Variants in APP observed in about 807,000 individuals in gnomAD.
APP encodes the protein amyloid beta precursor protein.
A neutral mutation model predicts 101.4 loss-of-function variants in APP; 31 were observed. The observed-to-expected ratio is 0.31, with a 90% CI of 0.23 to 0.41. The LOEUF (loss-of-function observed/expected upper bound fraction) is 0.41. Among genes scored for constraint, APP ranks in the 10% least tolerant of loss-of-function variants. APP has a pLI of 1.00. For missense variants in APP, 839 were observed against 1,003.7 expected (o/e 0.84, Z 2.22); for synonymous variants, 366 against 364.4 (o/e 1.00, Z -0.05).
intron 15 of APP, among the ~76,000 whole-genome samples, chr21:25,901,428 C>A (rs1358328550): frequency 6.6e-6 from 1 of 151,280 alleles, no homozygotes; most frequent in Non-Finnish European, 1.5e-5. Flanking sequence ...ATCAAGTCAG[C>A]ATGACAGATA....
intron 13 of APP, among the ~76,000 whole-genome samples, chr21:25,921,031 TCCGACCACA>T (rs1489067471): frequency 6.8e-6 from 1 of 146,622 alleles, no homozygotes; most frequent in Non-Finnish European, 1.5e-5. Context: ...AAACTATCTC[TCCGACCACA>T]GTGCAATCAA....
rs553853354 is a variant in APP at position 25,945,380 on chromosome 21, C to CTTTTTTTTTTTTTT, written c.1687+9196_1687+9209dup. The CTTTTTTTTTTTTTT allele has an allele frequency of 6.7e-4, 51 of 75,614 alleles. 3 individuals carry two copies. The highest frequency in any genetic ancestry group is 2.3e-3 in the African/African-American group (47 of 20,460). 4.7% of individuals were successfully genotyped at this position (75,614 alleles called of 1,614,324 possible). On this transcript the variant is annotated intron_variant, in intron 13 of 17. Transcript: ENST00000346798. The stretch of plus-strand genomic sequence containing the variant: ...ATCTACAGATCCAATGCAATCCGCA[C>CTTTTTTTTTTTTTT]TTTTTTTTTTTTTTTTTTTTTTGCA...
intron 8 of APP, among the ~76,000 whole-genome samples, chr21:25,992,177 G>A (rs2042891690): frequency 6.6e-6 from 1 of 152,200 alleles, no homozygotes; most frequent in Admixed American, 6.5e-5. Flanking sequence ...CAGGTCAGGA[G>A]TTCAAGACCA....
At chr21:26,144,707 G>A (rs959777767) in intron 1 of APP, among the ~76,000 whole-genome samples, 5 of 152,186 alleles carry the variant, frequency 3.3e-5, no homozygotes, top group Non-Finnish European at 7.3e-5. Context: ...TTCAGTGGGA[G>A]AAAGAACAGT....
At chr21:25,981,551 C>T (rs1195515059) in intron 9 of APP, among the ~76,000 whole-genome samples, 4 of 152,134 alleles carry the variant, frequency 2.6e-5, no homozygotes, top group Middle Eastern at 3.2e-3. Context: ...TAAAATCCTC[C>T]ATATTATCAA....
chr21:25,947,360 C>G (rs1474915767), intron 13 of APP, among the ~76,000 whole-genome samples: 1 of 152,192 alleles, frequency 6.6e-6, no homozygotes, highest in African/African-American at 2.4e-5. Context: ...AGTCTGCAGA[C>G]AGACCAGTTG....
At chr21:26,126,977 CA>C (rs34453423) in intron 1 of APP, among the ~76,000 whole-genome samples, 171 of 142,998 alleles carry the variant, frequency 1.2e-3, no homozygotes, top group African/African-American at 3.3e-3. Context: ...TCCACAGAAG[CA>C]AAAAAAAAAA....
chr21:26,032,805 A>AAAAAAATAT, intron 5 of APP, among the ~76,000 whole-genome samples: 1 of 124,448 alleles, frequency 8.0e-6, no homozygotes, highest in East Asian at 2.2e-4. Context: ...AAAAAAAAAA[A>AAAAAAATAT]ATATATATAT....
chr21:25,975,919 T>C (rs2042206654), intron 10 of APP, 35 bp downstream of exon 10: 1 of 1,540,684 alleles, frequency 6.5e-7, no homozygotes, highest in African/African-American at 1.4e-5. Flanking sequence ...ACTGCTGGCA[T>C]GTGATGTTTG....
intron 12 of APP, 128 bp downstream of exon 12, chr21:25,955,499 T>A: frequency 7.4e-7 from 1 of 1,350,830 alleles, no homozygotes; most frequent in Non-Finnish European, 1.0e-6. Context: ...TACCAGAAGT[T>A]AAAGAGCTCT....
At chr21:26,070,106 TAAAG>T (rs901465311) in intron 3 of APP, among the ~76,000 whole-genome samples, 2 of 152,038 alleles carry the variant, frequency 1.3e-5, no homozygotes, top group African/African-American at 4.8e-5. Context: ...GAATAACAAA[TAAAG>T]TAAGTATACA....
At chr21:26,004,275 CTTTTTTT>C (rs71183538) in intron 6 of APP, among the ~76,000 whole-genome samples, 11 of 72,804 alleles carry the variant, frequency 1.5e-4, no homozygotes, top group African/African-American at 3.7e-4. Flanking sequence ...TGTATTAATT[CTTTTTTT>C]TTTTTTTTTT....
At chr21:25,901,952 C>G (rs529030649) in intron 15 of APP, among the ~76,000 whole-genome samples, 1 of 152,124 alleles carries the variant, frequency 6.6e-6, no homozygotes, top group African/African-American at 2.4e-5. Flanking sequence ...CTTTTTTATT[C>G]TGGTCAAACT....
intron 3 of APP, among the ~76,000 whole-genome samples, chr21:26,083,394 C>A (rs2061636313): frequency 6.6e-6 from 1 of 152,104 alleles, no homozygotes; most frequent in East Asian, 1.9e-4. Context: ...GTAGAGTATT[C>A]TAAAAATGTT....
chr21:25,996,174 T>A (rs564923009), intron 8 of APP, among the ~76,000 whole-genome samples: 1 of 152,136 alleles, frequency 6.6e-6, no homozygotes. Context: ...AAACAAAACA[T>A]AAGACACTGT....
chr21:25,904,573 G>GT (rs1446127340), intron 15 of APP, among the ~76,000 whole-genome samples: 1 of 152,188 alleles, frequency 6.6e-6, no homozygotes, highest in East Asian at 1.9e-4. Flanking sequence ...ACTGATTGAA[G>GT]TTTGAGCCCA....
chr21:25,995,894 A>T (rs1294302746), intron 8 of APP, among the ~76,000 whole-genome samples: 1 of 151,798 alleles, frequency 6.6e-6, no homozygotes. Context: ...TTCATCTATA[A>T]TTTATCATCT....
chr21:25,890,441 G>A (rs2037614027), intron 17 of APP, among the ~76,000 whole-genome samples: 1 of 152,150 alleles, frequency 6.6e-6, no homozygotes, highest in African/African-American at 2.4e-5. Context: ...ACTTTTCTCT[G>A]ATGGAAAAAG....
At chr21:26,167,860 C>G (rs1382913242) in intron 1 of APP, among the ~76,000 whole-genome samples, 1 of 152,184 alleles carries the variant, frequency 6.6e-6, no homozygotes, top group Non-Finnish European at 1.5e-5. Flanking sequence ...AAAGCTTCTG[C>G]AGTCTGCCAG....
Sources: allele counts gnomAD v4.1 joint callset (sites outside exome capture counted in the v4.1 genomes callset), GRCh38; gene constraint gnomAD v4.1.1; transcripts MANE v1.5; gene names NCBI Gene and HGNC (gene_info 2026-07-23, HGNC 2026-07-21).